ZNF385D: variants seen among roughly 807,000 people sequenced by gnomAD.
ZNF385D encodes zinc finger protein 385D.
In ZNF385D, 15 loss-of-function variants were observed where a neutral mutation model predicts 35.8. That is an observed-to-expected ratio of 0.42 (90% CI 0.28 to 0.64). The LOEUF (loss-of-function observed/expected upper bound fraction) is 0.64, where lower values mean the gene tolerates loss of function less well. ZNF385D is among the 30% of genes least tolerant of loss of function. ZNF385D has a pLI of 0.23. For synonymous variants in ZNF385D, 212 were observed against 186.8 expected (o/e 1.13, Z -1.10); for missense variants, 474 against 494.6 (o/e 0.96, Z 0.39).
At chr3:22,158,568 C>A (rs1315922562) in intron 3 of ZNF385D, among the ~76,000 whole-genome samples, 1 of 150,996 alleles carries the variant, frequency 6.6e-6, no homozygotes, top group Admixed American at 6.6e-5. Flanking sequence ...TGTATCTGGG[C>A]TGCTATTTTT....
intron 2 of ZNF385D, among the ~76,000 whole-genome samples, chr3:22,273,347 A>T (rs2125365820): frequency 6.6e-6 from 1 of 152,046 alleles, no homozygotes; most frequent in East Asian, 1.9e-4. Context: ...TTTTTTTGGA[A>T]ATTAAAGCAG....
intron 3 of ZNF385D, among the ~76,000 whole-genome samples, chr3:21,869,344 T>C (rs553590062): frequency 2.8e-4 from 43 of 152,248 alleles, no homozygotes; most frequent in African/African-American, 8.2e-4. Flanking sequence ...TAAGTTTTTG[T>C]AGCAGTATAT....
intron 3 of ZNF385D, among the ~76,000 whole-genome samples, chr3:21,824,729 C>G (rs566915149): frequency 1.3e-5 from 2 of 151,714 alleles, no homozygotes; most frequent in East Asian, 3.9e-4. Context: ...ACTGGAGTTC[C>G]AGTATGAAAA....
Position 22,356,297 on chromosome 3 carries a change from T to C in ZNF385D, c.106+16153A>G, listed in dbSNP as rs904203667. On this transcript the variant is annotated intron_variant, in intron 2 of 5. Transcript: ENST00000494108. ...AACAGCAAACCACACAGGAGGTATA[T>C]TTCAATGGGTATGGTATGAAAAGTT... is the stretch of plus-strand genomic sequence containing the variant. Among the ~76,000 whole-genome samples the C allele has an allele frequency of 3.3e-5, 5 of 152,034 alleles. 1 individual carries two copies. Among genetic ancestry groups the C allele is most frequent in the African/African-American group, 9.7e-5 (4 of 41,428 alleles).
intron 3 of ZNF385D, among the ~76,000 whole-genome samples, chr3:21,820,082 T>A (rs918721009): frequency 6.6e-6 from 1 of 151,578 alleles, no homozygotes; most frequent in African/African-American, 2.4e-5. Flanking sequence ...AAATATTGAA[T>A]ATATTTTATC....
intron 3 of ZNF385D, among the ~76,000 whole-genome samples, chr3:21,918,336 A>G (rs1700294442): frequency 6.6e-6 from 1 of 152,198 alleles, no homozygotes; most frequent in African/African-American, 2.4e-5. Flanking sequence ...ACAATCCAAG[A>G]TTTATTAATA....
At chr3:21,493,971 C>T (rs1199587938) in intron 4 of ZNF385D, among the ~76,000 whole-genome samples, 2 of 151,778 alleles carry the variant, frequency 1.3e-5, no homozygotes, top group African/African-American at 4.8e-5. Context: ...GAAAAACAGG[C>T]TTTTTTTTCC....
At chr3:22,322,108 G>T (rs1316924073) in intron 2 of ZNF385D, among the ~76,000 whole-genome samples, 1 of 151,934 alleles carries the variant, frequency 6.6e-6, no homozygotes, top group African/African-American at 2.4e-5. Context: ...TATATACTTT[G>T]TATTTTTAGT....
chr3:21,457,346 C>CGTTGTTGTTGTT (rs34762256), intron 4 of ZNF385D, among the ~76,000 whole-genome samples: 23 of 150,734 alleles, frequency 1.5e-4, no homozygotes, highest in Middle Eastern at 3.4e-3. Context: ...TTGTTGTTGT[C>CGTTGTTGTTGTT]GTTGTTGTTG....
At chr3:22,247,325 C>G (rs569680923) in intron 2 of ZNF385D, among the ~76,000 whole-genome samples, 1 of 151,918 alleles carries the variant, frequency 6.6e-6, no homozygotes, top group Non-Finnish European at 1.5e-5. Flanking sequence ...AAAAATGGTA[C>G]AGTAGAAAGT....
intron 3 of ZNF385D, among the ~76,000 whole-genome samples, chr3:22,108,376 T>C (rs1411609698): frequency 6.6e-6 from 1 of 152,112 alleles, no homozygotes; most frequent in African/African-American, 2.4e-5. Context: ...TTGTTTTTTT[T>C]TTGCATGATC....
chr3:22,154,669 A>G (rs1011786691), intron 3 of ZNF385D, among the ~76,000 whole-genome samples: 1 of 152,124 alleles, frequency 6.6e-6, no homozygotes, highest in Non-Finnish European at 1.5e-5. Flanking sequence ...CTGGGGCTTC[A>G]TGTCTTACTT....
intron 2 of ZNF385D, among the ~76,000 whole-genome samples, chr3:22,348,186 A>T (rs575215299): frequency 5.0e-4 from 76 of 152,242 alleles, no homozygotes; most frequent in African/African-American, 1.8e-3. Flanking sequence ...ATTGTTACAA[A>T]GGCATTGTTA....
chr3:21,754,040 T>A (rs908830241), upstream of ZNF385D, among the ~76,000 whole-genome samples: 1 of 152,228 alleles, frequency 6.6e-6, no homozygotes, highest in Admixed American at 6.5e-5. Flanking sequence ...AAAGGTTGAA[T>A]AGTATTCCAT....
Position 21,771,737 on chromosome 3 carries a change from CAATGGTT to C in ZNF385D, c.326-106716_326-106710del, listed in dbSNP as rs1005912276. ...ATCAAGATGGGGGAGGGAGGGGAAG[CAATGGTT>C]AATAAACTAAGTAAGACCATAAATA... On this transcript the variant is annotated intron_variant, in intron 3 of 5. Transcript: ENST00000494108. Among the ~76,000 whole-genome samples, 20 of 151,686 alleles carry C rather than the reference CAATGGTT, an allele frequency of 1.3e-4. 4 individuals carry two copies. The highest frequency in any genetic ancestry group is 1.2e-3 in the Admixed American group (18 of 15,204).
At chr3:21,736,048 G>C (rs977839881) in intron 1 of ZNF385D, among the ~76,000 whole-genome samples, 2 of 152,200 alleles carry the variant, frequency 1.3e-5, no homozygotes, top group African/African-American at 4.8e-5. Flanking sequence ...GAAAGTCTTG[G>C]ACTGAATCCT....
chr3:21,884,062 C>T (rs545878676), intron 3 of ZNF385D, among the ~76,000 whole-genome samples: 2 of 152,004 alleles, frequency 1.3e-5, no homozygotes, highest in South Asian at 2.1e-4. Flanking sequence ...AATATAAATG[C>T]GGATGGTTTG....
At chr3:21,430,243 GA>G (rs200009515) in intron 5 of ZNF385D, among the ~76,000 whole-genome samples, 21 of 148,096 alleles carry the variant, frequency 1.4e-4, no homozygotes, top group Admixed American at 5.4e-4. Context: ...CCCCAAATAA[GA>G]AAAAAAAAAT....
intron 4 of ZNF385D, among the ~76,000 whole-genome samples, chr3:21,484,210 G>A (rs541668070): frequency 6.6e-5 from 10 of 152,276 alleles, no homozygotes; most frequent in Non-Finnish European, 7.4e-5. Flanking sequence ...CGGTTTGACC[G>A]TGGCTCACTG....
Sources: gnomAD v4.1 joint callset for allele counts (sites outside exome capture counted in the v4.1 genomes callset) on GRCh38, gnomAD v4.1.1 for gene constraint, MANE v1.5 for transcripts, NCBI Gene and HGNC (gene_info 2026-07-23, HGNC 2026-07-21) for gene names.